Variants in QSOX2 observed in about 807,000 individuals in gnomAD.
QSOX2 encodes quiescin sulfhydryl oxidase 2, also known as sulfhydryl oxidase 2.
Under a neutral mutation model 61.7 loss-of-function variants are expected in QSOX2, and 46 were observed. The observed-to-expected ratio is 0.75, with a 90% confidence interval of 0.59 to 0.95. The LOEUF (loss-of-function observed/expected upper bound fraction) is 0.95, where lower values mean the gene tolerates loss of function less well. QSOX2 is among the 40% of genes least tolerant of loss of function. The pLI is 0.00. For synonymous variants in QSOX2, 383 were observed against 388.4 expected (o/e 0.99, Z 0.16); for missense variants, 879 against 918.9 (o/e 0.96, Z 0.56).
chr9:136,230,125 A>C (rs879883753), intron 1 of QSOX2, among the ~76,000 whole-genome samples: 6 of 151,828 alleles, frequency 4.0e-5, no homozygotes, highest in Non-Finnish European at 8.8e-5. Context: ...CTAAAAATAC[A>C]AAAATTAGCC....
In QSOX2 at chr9:136,207,344, C is replaced by CA. The variant is rs1417443104; in HGVS notation, c.*1383dup. 1 of 146,090 alleles carries CA rather than the reference C, an allele frequency of 6.8e-6. No individual in the cohort carries two copies. Among genetic ancestry groups the CA allele is most frequent in the African/African-American group, 2.6e-5 (1 of 38,976 alleles). 9.0% of individuals were successfully genotyped at this position (146,090 alleles called of 1,614,324 possible). ...AAGCGGAAAAAATATCTACAACCGT[C>CA]AAAGTCTCTCTCTCTCTCATACACA... On this transcript the variant is annotated 3_prime_UTR_variant, in exon 12 of 12. Coordinates refer to ENST00000358701, the MANE Select transcript of QSOX2 (RefSeq NM_181701.4).
Position 136,245,808 on chromosome 9 carries a change from G to T in QSOX2, c.-5C>A. Reference sequence around the variant, plus strand: ...CGCCGCCCCGGCCGCCGCCATGTTGGAAGTGCCGCCGGCGCGCTGAACTTT... The same window carrying T: ...CGCCGCCCCGGCCGCCGCCATGTTGTAAGTGCCGCCGGCGCGCTGAACTTT... On this transcript the variant is annotated 5_prime_UTR_variant, in exon 1 of 12. Transcript: ENST00000358701. 2 of 1,152,188 alleles carry T rather than the reference G, an allele frequency of 1.7e-6. No individual in the cohort carries two copies. The highest frequency in any genetic ancestry group is 4.2e-5 in the South Asian group (1 of 23,880). The allele number at this position is 1,152,188 out of a possible 1,614,324, so 71.4% of individuals were successfully genotyped here. A position where few individuals can be genotyped will look rare whatever the true frequency, so the allele number is the denominator to read the frequency against.
rs1232424403 is a variant in QSOX2 at position 136,245,670 on chromosome 9, ACCG to A, written c.131_133del (p.Ala44del). ...CGCCGCACCGCCCGCGCCCGGCCCC[ACCG>A]CCGCCGCCGCTAGCAGCACTAGCAG... On this transcript the variant is annotated inframe_deletion, in exon 1 of 12. Coordinates refer to ENST00000358701, the MANE Select transcript of QSOX2 (RefSeq NM_181701.4). The A allele has an allele frequency of 3.7e-5, 45 of 1,210,700 alleles. No individual in the cohort carries two copies. Among genetic ancestry groups the A allele is most frequent in the South Asian group, 2.2e-4 (6 of 27,440 alleles). 75.0% of individuals were successfully genotyped at this position (1,210,700 alleles called of 1,614,324 possible).
At chr9:136,237,178 C>T (rs1238424145) in intron 1 of QSOX2, among the ~76,000 whole-genome samples, 2 of 143,520 alleles carry the variant, frequency 1.4e-5, no homozygotes, top group African/African-American at 2.6e-5. Context: ...ACCTGGTGCC[C>T]GTCCTGTGCC....
Position 136,245,544 on chromosome 9 carries a change from T to C in QSOX2, c.260A>G (p.Tyr87Cys), listed in dbSNP as rs1474814297. 1.3e-6 allele frequency: 2 copies of C among 1,591,158 alleles called. No individual in the cohort carries two copies. The highest frequency in any genetic ancestry group is 1.4e-5 in the African/African-American group (1 of 73,498). The change falls in exon 1 of 12, where the codon TAC becomes TGC. Residue 87 changes from tyrosine (Y) to cysteine (C), a missense_variant. Physicochemically the swap from Tyr to Cys is radical, Grantham distance 194. Transcript: ENST00000358701. ...GATGCAGTGGCCACACCACGACGAGTAGAACTGCACGAGCCACGCGGCCGA... is the reference window on the plus strand; with the variant it reads ...GATGCAGTGGCCACACCACGACGAGCAGAACTGCACGAGCCACGCGGCCGA... Reference protein sequence around the residue: ...NSSAAWLVQFYSSWCGHCIGY... With the variant: ...NSSAAWLVQFCSSWCGHCIGY...
chr9:136,217,829 T>C (rs1017051527), intron 8 of QSOX2, among the ~76,000 whole-genome samples: 3 of 152,258 alleles, frequency 2.0e-5, no homozygotes, highest in Non-Finnish European at 4.4e-5. Context: ...TGAGGCCAGC[T>C]AGAGATTTCT....
intron 10 of QSOX2, among the ~76,000 whole-genome samples, chr9:136,213,290 C>G (rs559365213): frequency 7.6e-5 from 10 of 132,312 alleles, no homozygotes; most frequent in Admixed American, 2.6e-4. Flanking sequence ...GTTGCCCAGG[C>G]TGGAGTGCAG....
At chr9:136,231,438 C>T (rs1461557714) in intron 1 of QSOX2, among the ~76,000 whole-genome samples, 1 of 152,252 alleles carries the variant, frequency 6.6e-6, no homozygotes, top group Non-Finnish European at 1.5e-5. Flanking sequence ...CTGCCTCCTT[C>T]AACATGTAGA....
chr9:136,220,349 A>T (rs983055759), intron 6 of QSOX2, among the ~76,000 whole-genome samples: 1 of 152,226 alleles, frequency 6.6e-6, no homozygotes, highest in Non-Finnish European at 1.5e-5. Flanking sequence ...AAAAATACTT[A>T]AGAAACTGCG....
intron 6 of QSOX2, among the ~76,000 whole-genome samples, chr9:136,220,035 CATTTATCTATTTTTGAG>C (rs1357162953): frequency 2.6e-5 from 4 of 152,148 alleles, no homozygotes; most frequent in Non-Finnish European, 5.9e-5. Flanking sequence ...TATTTTCACT[CATTTATCTATTTTTGAG>C]ACAGGATCTT....
At chr9:136,212,144 C>T (rs1419955595) in intron 10 of QSOX2, among the ~76,000 whole-genome samples, 2 of 152,180 alleles carry the variant, frequency 1.3e-5, no homozygotes, top group African/African-American at 4.8e-5. Flanking sequence ...GAATGAACAA[C>T]ACACATCTCA....
Position 136,224,802 on chromosome 9 carries a change from T to A in QSOX2, c.478+59A>T. 4.0e-6 allele frequency: 5 copies of A among 1,254,070 alleles called. No individual in the cohort carries two copies. In the South Asian group the frequency reaches 6.6e-5, roughly 16 times the overall value. 77.7% of individuals were successfully genotyped at this position (1,254,070 alleles called of 1,614,324 possible). On this transcript the variant is annotated intron_variant, in intron 3 of 11. Transcript: ENST00000358701. ...GCTCCCCAGGCTCTGGGACCGTGTG[T>A]CTTTAGCAGGTTTATGAGGGGAATC... is the stretch of plus-strand genomic sequence containing the variant.
intron 8 of QSOX2, 51 bp downstream of exon 8, chr9:136,218,628 C>A: frequency 6.3e-7 from 1 of 1,585,218 alleles, no homozygotes; most frequent in Non-Finnish European, 8.6e-7. Flanking sequence ...AGGGCCCACT[C>A]TGTGCAGAGC....
At chr9:136,224,559 A>G (rs1352428874) in intron 3 of QSOX2, among the ~76,000 whole-genome samples, 1 of 152,236 alleles carries the variant, frequency 6.6e-6, no homozygotes, top group Non-Finnish European at 1.5e-5. Flanking sequence ...GGGTGGGATC[A>G]TTTGTAAAAA....
In QSOX2 at chr9:136,209,102, G is replaced by C; in HGVS notation, c.1723C>G (p.Gln575Glu). 1.2e-6 allele frequency: 2 copies of C among 1,614,152 alleles called. No homozygotes were observed. The highest frequency in any genetic ancestry group is 1.7e-6 in the Non-Finnish European group (2 of 1,180,026). The change falls in exon 12 of 12, where the codon CAG becomes GAG. Residue 575 changes from glutamine (Q) to glutamate (E), a missense_variant. Physicochemically the swap from Gln to Glu is conservative, Grantham distance 29. Transcript: ENST00000358701. This position sits in a 1 kb window ranked among gnomAD's most constrained non-coding sequence, Gnocchi z 5.6. ...GTTCCTCCTTCACTGGAATCCCCCT[G>C]GTCTGCGGAATACGTGTCTAAGAGG... ...DNLLDTYSAD[Q>E]GDSSEGGTLA...
chr9:136,216,823 G>A, intron 8 of QSOX2, 101 bp from the exon 9 acceptor site: 1 of 1,451,692 alleles, frequency 6.9e-7, no homozygotes, highest in Admixed American at 1.8e-5. Flanking sequence ...TCCATCCGCA[G>A]AGGGGCTGAA....
Position 136,224,007 on chromosome 9 carries a change from T to C in QSOX2, c.584A>G (p.Gln195Arg), listed in dbSNP as rs754275856. 1.2e-5 allele frequency: 20 copies of C among 1,613,072 alleles called. No individual in the cohort carries two copies. The highest frequency in any genetic ancestry group is 1.6e-5 in the Non-Finnish European group (19 of 1,179,304). ...PPACPRLDPI[Q>R]PSDVLSLLDN... is the part of the protein sequence containing the mutation. ...CCGCCTTCTTCATGGAGCTACTCAC[T>C]GAATGGGGTCTAGGCGCGGGCAGGC... is the stretch of plus-strand genomic sequence containing the variant. The change falls in exon 4 of 12, where the codon CAG becomes CGG. Residue 195 changes from glutamine (Q) to arginine (R), a missense_variant and splice_region_variant. Transcript: ENST00000358701.
intron 1 of QSOX2, among the ~76,000 whole-genome samples, chr9:136,233,062 G>A (rs1200615406): frequency 1.3e-5 from 2 of 152,076 alleles, no homozygotes; most frequent in African/African-American, 4.8e-5. Context: ...TAGGAAGGAA[G>A]AGGAGCGAGC....
chr9:136,224,139 C>A, intron 3 of QSOX2, 27 bp from the exon 4 acceptor site: 32 of 1,582,180 alleles, frequency 2.0e-5, no homozygotes, highest in Non-Finnish European at 2.8e-5. Flanking sequence ...AGGGTCAGAG[C>A]TGTGTGTGCG....
Sources: gnomAD v4.1 joint callset for allele counts (sites outside exome capture counted in the v4.1 genomes callset) on GRCh38, gnomAD v4.1.1 for gene constraint, Gnocchi (gnomAD v3.1) non-coding constraint, MANE v1.5 for transcripts, NCBI Gene and HGNC (gene_info 2026-07-23, HGNC 2026-07-21) for gene names.